The following SLC26A2 variants were observed in gnomAD, a reference collection of about 807,000 sequenced individuals.
The protein encoded by SLC26A2 is sulfate transporter.
SLC26A2 carries 36 observed loss-of-function variants against 41.1 expected under a neutral mutation model. The ratio of observed to expected loss-of-function variants is 0.88; its 90% CI spans 0.67 to 1.16. The LOEUF is 1.16. Ranked by LOEUF, SLC26A2 falls within the 50% of genes most tolerant of loss-of-function variation. The pLI is 0.00. For missense variants in SLC26A2, 796 were observed against 869.6 expected, an observed-to-expected ratio of 0.92 and a Z score of 1.07; for synonymous variants, 291 against 311.6, an observed-to-expected ratio of 0.93 and a Z score of 0.70.
In SLC26A2 at chr5:149,980,311, C is replaced by G. The variant is rs1755069507; in HGVS notation, c.718C>G (p.Gln240Glu). 6.2e-7 allele frequency: 1 copy of G among 1,614,062 alleles called. No homozygotes were observed. Among genetic ancestry groups the G allele is most frequent in the Non-Finnish European group, 8.5e-7 (1 of 1,179,924 alleles). Reference protein sequence around the residue: ...GVYQVAMGFFQVGFVSVYLSD... With the variant: ...GVYQVAMGFFEVGFVSVYLSD... ...CTTCCAGGTAGCGATGGGCTTCTTT[C>G]AAGTGGGTTTTGTTTCTGTCTACCT... Residue 240 changes from glutamine to glutamate, a missense_variant, in exon 3 of 3, where the codon CAA becomes GAA. By Grantham distance (29) the Gln-to-Glu change is conservative. Coordinates refer to ENST00000286298, the MANE Select transcript of SLC26A2 (RefSeq NM_000112.4).
chr5:149,964,391 C>T (rs992306578), intron 1 of SLC26A2, among the ~76,000 whole-genome samples: 6 of 152,036 alleles, frequency 3.9e-5, no homozygotes, highest in African/African-American at 1.4e-4. Flanking sequence ...TACTCAGGAT[C>T]GCTTGAGCCC....
chr5:149,976,763 C>G (rs1754998693), intron 1 of SLC26A2, among the ~76,000 whole-genome samples: 1 of 152,190 alleles, frequency 6.6e-6, no homozygotes, highest in African/African-American at 2.4e-5. Context: ...CCTGTATTGC[C>G]TCCAAGTGGA....
intron 1 of SLC26A2, among the ~76,000 whole-genome samples, chr5:149,977,239 G>A (rs573604117): frequency 2.6e-5 from 4 of 152,304 alleles, no homozygotes; most frequent in African/African-American, 4.8e-5. Flanking sequence ...CTATTTTGCA[G>A]TCTGCCTGGG....
chr5:149,980,874 C>G lies in SLC26A2; in HGVS notation c.1281C>G (p.Ile427Met), dbSNP rs1561822324. The G allele has an allele frequency of 2.5e-6, 4 of 1,613,898 alleles. No individual in the cohort carries two copies. Among genetic ancestry groups the G allele is most frequent in the Non-Finnish European group, 3.4e-6 (4 of 1,179,910 alleles). ...ATGCCATTGGCTTTTGTAATATCAT[C>G]CCTTCCTTCTTCCACTGTTTTACTA... ...EMYAIGFCNI[I>M]PSFFHCFTTS... Residue 427 changes from isoleucine (I) to methionine (M), a missense_variant, in exon 3 of 3, where the codon ATC (isoleucine) becomes ATG (methionine). Transcript: ENST00000286298.
chr5:149,976,816 T>C (rs1754999205), intron 1 of SLC26A2, among the ~76,000 whole-genome samples: 1 of 152,208 alleles, frequency 6.6e-6, no homozygotes, highest in Non-Finnish European at 1.5e-5. Context: ...TGTGTTTCAG[T>C]GTGTGTACTT....
Position 149,980,325 on chromosome 5 carries a change from TTCTG to T in SLC26A2, c.736_739del (p.Val246ThrfsTer7), listed in dbSNP as rs1057517524. 1.2e-6 allele frequency: 2 copies of T among 1,614,164 alleles called. No homozygotes were observed. The highest frequency in any genetic ancestry group is 1.7e-6 in the Non-Finnish European group (2 of 1,180,000). ...TGGGCTTCTTTCAAGTGGGTTTTGT[TTCTG>T]TCTACCTCTCAGATGCCTTGCTGAG... On this transcript the variant is annotated frameshift_variant, in exon 3 of 3. Transcript: ENST00000286298. LOFTEE classifies it high-confidence loss of function.
In SLC26A2 at chr5:149,985,409, C is replaced by T. The variant is rs889247306; in HGVS notation, c.*3596C>T. ...CAAGTCAAAATTGTTGTCAAATTTA[C>T]ATATGGTAAATGATGAACTTTAAAA... On this transcript the variant is annotated 3_prime_UTR_variant, in exon 3 of 3. Coordinates refer to ENST00000286298, the MANE Select transcript of SLC26A2 (RefSeq NM_000112.4). 1 of 152,126 alleles carries T rather than the reference C, an allele frequency of 6.6e-6. No homozygotes were observed. The highest frequency in any genetic ancestry group is 1.5e-5 in the Non-Finnish European group (1 of 68,028). The allele number at this position is 152,126 out of a possible 1,614,324, so 9.4% of individuals were successfully genotyped here. A position where few individuals can be genotyped will look rare whatever the true frequency, so the allele number is the denominator to read the frequency against.
intron 1 of SLC26A2, among the ~76,000 whole-genome samples, chr5:149,973,224 T>C (rs1387182610): frequency 6.6e-6 from 1 of 152,208 alleles, no homozygotes; most frequent in East Asian, 1.9e-4. Context: ...CCTCCCATTC[T>C]GTGTGGTTGT....
At chr5:149,975,497 A>G (rs934608468) in intron 1 of SLC26A2, among the ~76,000 whole-genome samples, 4 of 152,178 alleles carry the variant, frequency 2.6e-5, no homozygotes, top group Admixed American at 2.0e-4. Flanking sequence ...AGAGCTCTCC[A>G]AAATAGGACG....
rs552470458 is a variant in SLC26A2, at chr5:149,982,089, G to A, written c.*276G>A. On this transcript the variant is annotated 3_prime_UTR_variant, in exon 3 of 3. Coordinates refer to ENST00000286298, the MANE Select transcript of SLC26A2 (RefSeq NM_000112.4). The stretch of plus-strand genomic sequence containing the variant: ...AGTATGTATTGAACTGTACTGTAAA[G>A]TAGCTCCAAAACTTAATTACTCTCC... The A allele has an allele frequency of 2.7e-6, 1 of 364,488 alleles. No homozygotes were observed. The highest frequency in any genetic ancestry group is 5.1e-5 in the East Asian group (1 of 19,576). 22.6% of individuals were successfully genotyped at this position (364,488 alleles called of 1,614,324 possible). A position where few individuals can be genotyped will look rare whatever the true frequency, so the allele number is the denominator to read the frequency against.
rs1326501763 is a variant in SLC26A2, at chr5:149,980,998, C to T, written c.1405C>T (p.Leu469=). The T allele has an allele frequency of 6.2e-7, 1 of 1,613,956 alleles. No individual in the cohort carries two copies. Among genetic ancestry groups the T allele is most frequent in the African/African-American group, 1.3e-5 (1 of 74,912 alleles). ...VTALVLLLVL[L]VIAPLFYSLQ... is the part of the protein sequence containing the mutation. ...AGCCCTGGTTCTTTTGTTGGTCCTC[C>T]TAGTAATAGCTCCTTTGTTCTATTC... The change falls in exon 3 of 3, where the codon CTA becomes TTA. Residue 469 remains leucine (L), a synonymous_variant. Coordinates refer to ENST00000286298, the MANE Select transcript of SLC26A2 (RefSeq NM_000112.4).
At position 149,977,754 on chromosome 5, in the gene SLC26A2, A is replaced by C. The variant is rs1171774561; in HGVS notation, c.102A>C (p.Glu34Asp). Residue 34 changes from glutamate (E) to aspartate (D), a missense_variant, in exon 2 of 3, where the codon GAA (glutamate) becomes GAC (aspartate). Transcript: ENST00000286298. ...GGATCCATCTGGAACTTCAAAGGGA[A>C]TCAAGTACTGACTTCAAGCAATTTG... Reference protein sequence around the residue: ...PSGIHLELQRESSTDFKQFET... With the variant: ...PSGIHLELQRDSSTDFKQFET... The C allele has an allele frequency of 2.5e-6, 4 of 1,613,762 alleles. No individual in the cohort carries two copies. In the South Asian group the frequency reaches 4.4e-5, roughly 18 times the overall value.
intron 1 of SLC26A2, among the ~76,000 whole-genome samples, chr5:149,967,686 C>T (rs1308734708): frequency 6.6e-6 from 1 of 152,118 alleles, no homozygotes; most frequent in Admixed American, 6.6e-5. Flanking sequence ...AACACCACTT[C>T]CCCCAGTACC....
At chr5:149,979,450 G>T (rs1460764459) in intron 2 of SLC26A2, among the ~76,000 whole-genome samples, 4 of 151,600 alleles carry the variant, frequency 2.6e-5, no homozygotes, top group Non-Finnish European at 5.9e-5. Flanking sequence ...AAGAGACAGG[G>T]TCTCTCTATG....
chr5:149,980,757 T>C lies in SLC26A2; in HGVS notation c.1164T>C (p.Ala388=). 6.2e-7 allele frequency: 1 copy of C among 1,613,848 alleles called. No individual in the cohort carries two copies. Among genetic ancestry groups the C allele is most frequent in the South Asian group, 1.1e-5 (1 of 91,078 alleles). The change falls in exon 3 of 3, where the codon GCT becomes GCC. Residue 388 remains alanine (A), a synonymous_variant. Coordinates refer to ENST00000286298, the MANE Select transcript of SLC26A2 (RefSeq NM_000112.4). ...CTAGTGTGGCTGTAGATGCAATAGC[T>C]ATTTCCATCATTGGTTTTGCTATCA... The part of the protein sequence containing the change: ...LIPSVAVDAI[A]ISIIGFAITV...
intron 1 of SLC26A2, among the ~76,000 whole-genome samples, chr5:149,965,479 CAAA>C (rs55779255): frequency 3.8e-4 from 24 of 63,938 alleles, no homozygotes; most frequent in Middle Eastern, 8.2e-3. Context: ...GACTCTGTCT[CAAA>C]AAAAAAAAAA....
At chr5:149,972,950 T>C (rs977067566) in intron 1 of SLC26A2, among the ~76,000 whole-genome samples, 10 of 152,192 alleles carry the variant, frequency 6.6e-5, no homozygotes, top group South Asian at 4.1e-4. Context: ...AATGTAGTGG[T>C]TACTCTTAGG....
intron 1 of SLC26A2, among the ~76,000 whole-genome samples, chr5:149,969,138 A>T (rs537397713): frequency 1.3e-5 from 2 of 152,356 alleles, no homozygotes; most frequent in South Asian, 4.1e-4. Flanking sequence ...TTTAAAATAA[A>T]AACCATTCTG....
At position 149,984,130 on chromosome 5, in the gene SLC26A2, T is replaced by C. The variant is rs1240461742; in HGVS notation, c.*2317T>C. The C allele has an allele frequency of 2.6e-5, 4 of 152,236 alleles. No individual in the cohort carries two copies. The highest frequency in any genetic ancestry group is 2.6e-4 in the Admixed American group (4 of 15,290). The allele number at this position is 152,236 out of a possible 1,614,324, so 9.4% of individuals were successfully genotyped here. A position where few individuals can be genotyped will look rare whatever the true frequency, so the allele number is the denominator to read the frequency against. On this transcript the variant is annotated 3_prime_UTR_variant, in exon 3 of 3. Transcript: ENST00000286298. ...GGATGTAAACAGTTCTGGAACGTTATGCATGCAGTTAGCGAATCCTTGAAT... is the reference window on the plus strand; with the variant it reads ...GGATGTAAACAGTTCTGGAACGTTACGCATGCAGTTAGCGAATCCTTGAAT...
Sources: allele counts gnomAD v4.1 joint callset (sites outside exome capture counted in the v4.1 genomes callset), GRCh38; gene constraint gnomAD v4.1.1; transcripts MANE v1.5; gene names NCBI Gene and HGNC (gene_info 2026-07-23, HGNC 2026-07-21).